SH2D4A: variants seen among roughly 807,000 people sequenced by gnomAD.
SH2D4A encodes SH2 domain containing 4A.
In SH2D4A, 70 loss-of-function variants were observed where a neutral mutation model predicts 64.7. The ratio of observed to expected loss-of-function variants is 1.08; its 90% CI spans 0.89 to 1.32. The LOEUF (loss-of-function observed/expected upper bound fraction) is 1.32. SH2D4A is among the 40% of genes most tolerant of loss of function. The probability of loss-of-function intolerance (pLI) is 0.00; values close to 1 mark genes in which losing one functional copy is unlikely to be tolerated. For missense variants in SH2D4A, 706 were observed against 540.1 expected (o/e 1.31, Z -3.04); for synonymous variants, 268 against 200.7 (o/e 1.34, Z -2.83).
intron 6 of SH2D4A, among the ~76,000 whole-genome samples, chr8:19,363,441 C>G (rs1479359633): frequency 5.9e-5 from 9 of 152,150 alleles, no homozygotes; most frequent in Admixed American, 2.6e-4. Flanking sequence ...ATGCATTTCT[C>G]AGGATTTATT....
At chr8:19,350,018 T>G (rs1273006727) in intron 4 of SH2D4A, among the ~76,000 whole-genome samples, 1 of 152,224 alleles carries the variant, frequency 6.6e-6, no homozygotes, top group Non-Finnish European at 1.5e-5. Context: ...ATTTTTCTAT[T>G]ATTATTTGTA....
At position 19,322,205 on chromosome 8, in the gene SH2D4A, G is replaced by A. The variant is rs150370495; in HGVS notation, c.181+2477G>A. Among the ~76,000 whole-genome samples the A allele has an allele frequency of 1.2e-4, 19 of 152,222 alleles. No individual in the cohort carries two copies. The South Asian group carries it at 2.3e-3, about 18-fold the overall frequency. On this transcript the variant is annotated intron_variant, in intron 2 of 9. Transcript: ENST00000265807. Reference sequence around the variant, plus strand: ...GTCTTTGAAGATAAAGCCATAGACCGTCCAAAGCAATGCTGTCATGGCTGG... The same window carrying A: ...GTCTTTGAAGATAAAGCCATAGACCATCCAAAGCAATGCTGTCATGGCTGG...
chr8:19,357,112 C>G (rs74705228), intron 4 of SH2D4A, 91 bp from the exon 5 acceptor site: 36,321 of 1,026,182 alleles, frequency 0.035, 811 homozygotes, highest in Non-Finnish European at 0.044. Flanking sequence ...GCGGGGGCAG[C>G]ATTAGGGAAA....
Position 19,393,411 on chromosome 8 carries a change from A to C in SH2D4A, c.1142A>C (p.Tyr381Ser). The C allele has an allele frequency of 6.2e-7, 1 of 1,614,232 alleles. No homozygotes were observed. The highest frequency in any genetic ancestry group is 2.2e-5 in the East Asian group (1 of 44,882). ...CGAGTCAGTGAAAGGATCAAAGGCT[A>C]TGCCCTGTCCTATCTGTCGGAGGAC... ...LIRVSERIKG[Y>S]ALSYLSEDGC... is the part of the protein sequence containing the mutation. The change falls in exon 9 of 10, where the codon TAT (tyrosine) becomes TCT (serine). Residue 381 changes from tyrosine to serine, a missense_variant. Transcript: ENST00000265807.
At chr8:19,313,952 C>A (rs922399541) in intron 1 of SH2D4A, 129 bp downstream of exon 1, 2 of 1,275,280 alleles carry the variant, frequency 1.6e-6, no homozygotes, top group Non-Finnish European at 2.0e-6. Context: ...GGGCGGAAGC[C>A]TCACCCCCGC....
At chr8:19,372,044 G>T (rs1175886758) in intron 7 of SH2D4A, among the ~76,000 whole-genome samples, 2 of 152,020 alleles carry the variant, frequency 1.3e-5, no homozygotes, top group African/African-American at 4.8e-5. Context: ...ATCTTATTTT[G>T]TACACTTGGT....
chr8:19,337,263 A>G (rs2052458931), intron 4 of SH2D4A, among the ~76,000 whole-genome samples: 1 of 152,212 alleles, frequency 6.6e-6, no homozygotes, highest in South Asian at 2.1e-4. Flanking sequence ...TTTCACAGCT[A>G]GTGTGAGCCT....
In SH2D4A at chr8:19,396,036, A is replaced by C. The variant is rs1444969596; in HGVS notation, c.*1394A>C. The C allele has an allele frequency of 6.6e-6, 1 of 152,170 alleles. No homozygotes were observed. Among genetic ancestry groups the C allele is most frequent in the Non-Finnish European group, 1.5e-5 (1 of 68,060 alleles). 9.4% of individuals were successfully genotyped at this position (152,170 alleles called of 1,614,324 possible). On this transcript the variant is annotated 3_prime_UTR_variant, in exon 10 of 10. Coordinates refer to ENST00000265807, the MANE Select transcript of SH2D4A (RefSeq NM_022071.4). ...CGTCAGGAATCTTATGCCCTCCTGGAACCCCCGCCCACCTCAGTCCAGTCC... is the reference window on the plus strand; with the variant it reads ...CGTCAGGAATCTTATGCCCTCCTGGCACCCCCGCCCACCTCAGTCCAGTCC...
intron 1 of SH2D4A, among the ~76,000 whole-genome samples, chr8:19,317,491 G>A (rs966295913): frequency 2.2e-5 from 2 of 92,352 alleles, no homozygotes; most frequent in African/African-American, 7.1e-5. Flanking sequence ...GTTGCAGTCA[G>A]TAGGGATAGG....
chr8:19,327,742 G>A (rs541861839), intron 2 of SH2D4A, among the ~76,000 whole-genome samples: 1 of 152,208 alleles, frequency 6.6e-6, no homozygotes, highest in Non-Finnish European at 1.5e-5. Context: ...TGGGAATGTA[G>A]CAGACACTCA....
chr8:19,375,764 C>G (rs1167914911), intron 8 of SH2D4A: 3 of 152,030 alleles, frequency 2.0e-5, no homozygotes, highest in South Asian at 4.1e-4. Flanking sequence ...AAAAAAAATG[C>G]TAAGTATTTT....
intron 8 of SH2D4A, among the ~76,000 whole-genome samples, chr8:19,390,329 C>T (rs372095543): frequency 6.6e-6 from 1 of 152,014 alleles, no homozygotes; most frequent in Admixed American, 6.5e-5. Context: ...TGCAGTGAGC[C>T]GAGATCGCAC....
intron 7 of SH2D4A, among the ~76,000 whole-genome samples, chr8:19,366,990 G>A (rs10100016): frequency 0.039 from 5,907 of 152,206 alleles, 374 homozygotes; most frequent in African/African-American, 0.13. Context: ...CGTTGTTTAT[G>A]ATGGTATGCT....
chr8:19,320,942 C>G (rs906112298), intron 2 of SH2D4A, among the ~76,000 whole-genome samples: 1 of 152,212 alleles, frequency 6.6e-6, no homozygotes, highest in African/African-American at 2.4e-5. Flanking sequence ...CCCAGGTTCA[C>G]AAAGGAGGTC....
chr8:19,319,553 G>C lies in SH2D4A; in HGVS notation c.6G>C (p.Leu2=), dbSNP rs1444935566. 3 of 1,537,424 alleles carry C rather than the reference G, an allele frequency of 2.0e-6. No individual in the cohort carries two copies. The highest frequency in any genetic ancestry group is 2.6e-6 in the Non-Finnish European group (3 of 1,144,194). M[L]KQILSEMYID... is the part of the protein sequence containing the mutation. Reference sequence around the variant, plus strand: ...AAGACTTCAGAAGTGCAAAGATGCTGAAACAGATACTGTCGGAGATGTACA... The same window carrying C: ...AAGACTTCAGAAGTGCAAAGATGCTCAAACAGATACTGTCGGAGATGTACA... Residue 2 remains leucine (L), a synonymous_variant, in exon 2 of 10, where the codon CTG becomes CTC. Transcript: ENST00000265807.
At chr8:19,314,498 A>G (rs2117156178) in intron 1 of SH2D4A, among the ~76,000 whole-genome samples, 1 of 151,978 alleles carries the variant, frequency 6.6e-6, no homozygotes, top group East Asian at 2.0e-4. Flanking sequence ...GCGCTCAGCC[A>G]AGCGGCGCCC....
Position 19,319,547 on chromosome 8 carries a change from G to A in SH2D4A, c.-1G>A, listed in dbSNP as rs2052149481. On this transcript the variant is annotated 5_prime_UTR_variant, in exon 2 of 10. Transcript: ENST00000265807. ...GTATAAAAGACTTCAGAAGTGCAAA[G>A]ATGCTGAAACAGATACTGTCGGAGA... The A allele has an allele frequency of 6.6e-7, 1 of 1,520,070 alleles. No homozygotes were observed. The highest frequency in any genetic ancestry group is 1.8e-4 in the Middle Eastern group (1 of 5,694). 94.2% of individuals were successfully genotyped at this position (1,520,070 alleles called of 1,614,324 possible).
At chr8:19,337,326 A>G (rs1372982499) in intron 4 of SH2D4A, among the ~76,000 whole-genome samples, 1 of 152,118 alleles carries the variant, frequency 6.6e-6, no homozygotes, top group African/African-American at 2.4e-5. Context: ...GTACATTTAT[A>G]TTTTTATTGT....
chr8:19,333,743 A>G (rs565064035), intron 3 of SH2D4A, among the ~76,000 whole-genome samples: 18 of 152,202 alleles, frequency 1.2e-4, no homozygotes, highest in African/African-American at 4.3e-4. Context: ...CAGAAAGTTT[A>G]CCAAGCATAG....
Sources: allele counts gnomAD v4.1 joint callset (sites outside exome capture counted in the v4.1 genomes callset), GRCh38; gene constraint gnomAD v4.1.1; transcripts MANE v1.5; gene names NCBI Gene and HGNC (gene_info 2026-07-23, HGNC 2026-07-21).